Variants in RIMS1 observed in about 807,000 individuals in gnomAD.
The protein encoded by RIMS1 is regulating synaptic membrane exocytosis protein 1.
A neutral mutation model predicts 214.1 loss-of-function variants in RIMS1; 83 were observed. The observed-to-expected ratio is 0.39, with a 90% CI of 0.32 to 0.47. The LOEUF is 0.47. RIMS1 is among the 20% of genes least tolerant of loss of function. The probability of loss-of-function intolerance (pLI) is 0.99; values close to 1 mark genes in which losing one functional copy is unlikely to be tolerated. For missense variants in RIMS1, 2,050 were observed against 2,161.8 expected (o/e 0.95, Z 1.03); for synonymous variants, 793 against 786.8 (o/e 1.01, Z -0.13).
At chr6:72,132,371 C>T (rs2040584314) in intron 4 of RIMS1, among the ~76,000 whole-genome samples, 1 of 152,046 alleles carries the variant, frequency 6.6e-6, no homozygotes, top group Non-Finnish European at 1.5e-5. Flanking sequence ...TCAGTCAGTC[C>T]CTCTGTTTGG....
intron 23 of RIMS1, among the ~76,000 whole-genome samples, chr6:72,283,549 T>C (rs1358464927): frequency 6.6e-6 from 1 of 152,194 alleles, no homozygotes; most frequent in Non-Finnish European, 1.5e-5. Flanking sequence ...TCTTTAACTG[T>C]AGCATTTTTC....
intron 2 of RIMS1, among the ~76,000 whole-genome samples, chr6:72,022,988 C>G (rs1815203109): frequency 2.6e-5 from 4 of 152,070 alleles, no homozygotes; most frequent in Admixed American, 6.5e-5. Flanking sequence ...AGATTTTAGT[C>G]CTTTCATTCC....
At chr6:72,392,833 A>G (rs1430877158) in intron 31 of RIMS1, 23 bp downstream of exon 31, 1 of 1,465,764 alleles carries the variant, frequency 6.8e-7, no homozygotes, top group Non-Finnish European at 9.5e-7. Flanking sequence ...TTTTTTTTCT[A>G]CAAGAAAATT....
chr6:71,944,796 C>T (rs1401847989), intron 1 of RIMS1, among the ~76,000 whole-genome samples: 1 of 152,060 alleles, frequency 6.6e-6, no homozygotes, highest in Non-Finnish European at 1.5e-5. Flanking sequence ...ACAATGTATG[C>T]ACTGGCATTC....
chr6:72,066,109 A>G (rs931378912), intron 2 of RIMS1, among the ~76,000 whole-genome samples: 2 of 152,192 alleles, frequency 1.3e-5, no homozygotes, highest in African/African-American at 4.8e-5. Context: ...AAGTATGTGG[A>G]CAACCTCCTT....
At chr6:72,265,628 T>C in intron 21 of RIMS1, 125 bp downstream of exon 21, 1 of 589,850 alleles carries the variant, frequency 1.7e-6, no homozygotes, top group Non-Finnish European at 2.9e-6. Flanking sequence ...CATCTGTTCC[T>C]GGTAATGAAA....
At chr6:72,135,721 TCAATAA>T (rs1192655084) in intron 4 of RIMS1, among the ~76,000 whole-genome samples, 1 of 152,186 alleles carries the variant, frequency 6.6e-6, no homozygotes, top group Non-Finnish European at 1.5e-5. Flanking sequence ...CAACTTTGTT[TCAATAA>T]GTGAAAAATT....
intron 16 of RIMS1, among the ~76,000 whole-genome samples, chr6:72,254,892 C>T (rs2075130785): frequency 6.6e-6 from 1 of 152,026 alleles, no homozygotes; most frequent in African/African-American, 2.4e-5. Context: ...TGTTATCATA[C>T]AAAGCAATAT....
Position 71,923,692 on chromosome 6 carries a change from G to T in RIMS1, c.164+36505G>T, listed in dbSNP as rs117265829. On this transcript the variant is annotated intron_variant, in intron 1 of 33. Transcript: ENST00000521978. Reference sequence around the variant, plus strand: ...AGCGATTCTCCTGCCTCAGCCTCCCGAGTAGCTGGGATTACTCATGTGCCA... The same window carrying T: ...AGCGATTCTCCTGCCTCAGCCTCCCTAGTAGCTGGGATTACTCATGTGCCA... 5.5e-3 allele frequency among the ~76,000 whole-genome samples: 834 copies of T among 151,706 alleles called. 3 individuals are homozygous for T. The highest frequency in any genetic ancestry group is 7.7e-3 in the Non-Finnish European group (520 of 67,922).
intron 4 of RIMS1, among the ~76,000 whole-genome samples, chr6:72,109,327 A>T (rs1157482561): frequency 6.6e-6 from 1 of 151,024 alleles, no homozygotes; most frequent in Non-Finnish European, 1.5e-5. Flanking sequence ...ACGGTGTAAA[A>T]GTGTTCCTAT....
chr6:72,274,267 A>G, intron 22 of RIMS1, 82 bp from the exon 23 acceptor site: 1 of 920,790 alleles, frequency 1.1e-6, no homozygotes, highest in Non-Finnish European at 1.7e-6. Context: ...GTGCTTTTCC[A>G]GTCCTCTTGT....
At chr6:72,269,611 A>G (rs776679137) in intron 22 of RIMS1, among the ~76,000 whole-genome samples, 1 of 152,096 alleles carries the variant, frequency 6.6e-6, no homozygotes, top group African/African-American at 2.4e-5. Context: ...TGGTTTTGAC[A>G]TATAACCAGC....
intron 11 of RIMS1, 40 bp from the exon 12 acceptor site, chr6:72,247,975 T>C: frequency 7.8e-7 from 1 of 1,283,838 alleles, no homozygotes; most frequent in South Asian, 1.2e-5. Context: ...AAATATTTCC[T>C]ACACTTACAA....
At chr6:72,083,210 C>T (rs1186373598) in intron 2 of RIMS1, among the ~76,000 whole-genome samples, 1 of 152,128 alleles carries the variant, frequency 6.6e-6, no homozygotes, top group East Asian at 1.9e-4. Context: ...ATCATTCATT[C>T]ACCAAGTATT....
At chr6:72,254,119 C>T (rs1421173311) in intron 16 of RIMS1, among the ~76,000 whole-genome samples, 2 of 152,188 alleles carry the variant, frequency 1.3e-5, no homozygotes, top group Non-Finnish European at 2.9e-5. Context: ...CCACCTCGGC[C>T]TCCCAAAGTG....
intron 4 of RIMS1, among the ~76,000 whole-genome samples, chr6:72,138,266 T>C (rs1203262425): frequency 6.6e-6 from 1 of 152,212 alleles, no homozygotes; most frequent in African/African-American, 2.4e-5. Flanking sequence ...TTTTCAAATG[T>C]ACAATTTAAT....
chr6:72,362,511 T>C (rs2097858361), intron 29 of RIMS1, among the ~76,000 whole-genome samples: 1 of 152,130 alleles, frequency 6.6e-6, no homozygotes, highest in African/African-American at 2.4e-5. Flanking sequence ...CTAAAATGTA[T>C]ACTTATGTGT....
chr6:72,001,556 T>C (rs2151731942), intron 2 of RIMS1, among the ~76,000 whole-genome samples: 1 of 152,288 alleles, frequency 6.6e-6, no homozygotes, highest in African/African-American at 2.4e-5. Context: ...GAAGGAATAA[T>C]ATCTAATGTG....
chr6:72,112,320 T>C (rs1342076154), intron 4 of RIMS1, among the ~76,000 whole-genome samples: 1 of 151,758 alleles, frequency 6.6e-6, no homozygotes, highest in Non-Finnish European at 1.5e-5. Flanking sequence ...CAACCCCTCA[T>C]CCCCCACCCC....
Sources: allele counts gnomAD v4.1 joint callset (sites outside exome capture counted in the v4.1 genomes callset), GRCh38; gene constraint gnomAD v4.1.1; transcripts MANE v1.5; gene names NCBI Gene and HGNC (gene_info 2026-07-23, HGNC 2026-07-21).